The following MAGI2 variants were observed in gnomAD, a reference collection of about 807,000 sequenced individuals.
The protein encoded by MAGI2 is membrane-associated guanylate kinase, WW and PDZ domain-containing protein 2.
In MAGI2, 35 loss-of-function variants were observed where a neutral mutation model predicts 133.3. The observed-to-expected ratio is 0.26, with a 90% confidence interval of 0.20 to 0.35. MAGI2 has a LOEUF of 0.35. Ranked by LOEUF, MAGI2 falls within the 10% of genes least tolerant of loss-of-function variation. The pLI, the probability that MAGI2 is intolerant of heterozygous loss-of-function variation, is 1.00. For missense variants in MAGI2, 1,636 were observed against 1,863.4 expected, an observed-to-expected ratio of 0.88 and a Z score of 2.25; for synonymous variants, 729 against 710.6, an observed-to-expected ratio of 1.03 and a Z score of -0.41.
rs372618163 is a variant in MAGI2, at chr7:79,057,648, T to C, written c.302-50442A>G. 1.9e-4 allele frequency among the ~76,000 whole-genome samples: 29 copies of C among 152,312 alleles called. 1 individual carries two copies. The East Asian group carries it at 5.2e-3, about 27-fold the overall frequency. ...ACTTTTATTCATTATCTTATCGGTC[T>C]TGAGGTATTTCAATGGCAGGTGCAG... On this transcript the variant is annotated intron_variant, in intron 1 of 21. Coordinates refer to ENST00000354212, the MANE Select transcript of MAGI2 (RefSeq NM_012301.4).
intron 6 of MAGI2, among the ~76,000 whole-genome samples, chr7:78,488,074 C>T (rs568022667): frequency 5.3e-4 from 81 of 151,888 alleles, no homozygotes; most frequent in African/African-American, 1.9e-3. Flanking sequence ...AAAAACGGTC[C>T]GATAATATAA....
At chr7:79,263,287 C>T (rs561123820) in intron 1 of MAGI2, among the ~76,000 whole-genome samples, 1 of 152,154 alleles carries the variant, frequency 6.6e-6, no homozygotes, top group Non-Finnish European at 1.5e-5. Context: ...AATCTTCAAC[C>T]CTCACAAGAG....
At chr7:78,331,346 C>A (rs1381984734) in intron 9 of MAGI2, among the ~76,000 whole-genome samples, 1 of 152,078 alleles carries the variant, frequency 6.6e-6, no homozygotes, top group East Asian at 1.9e-4. Flanking sequence ...ACAGGTACCC[C>A]TGAATCTCAA....
intron 1 of MAGI2, among the ~76,000 whole-genome samples, chr7:79,248,864 A>ATTTTATTTAT (rs1393560537): frequency 1.4e-5 from 2 of 143,572 alleles, no homozygotes; most frequent in African/African-American, 5.3e-5. Context: ...ATTTTATTTT[A>ATTTTATTTAT]TTTATTTTAT....
chr7:78,066,476 A>G (rs62461173), intron 21 of MAGI2, among the ~76,000 whole-genome samples: 1 of 143,448 alleles, frequency 7.0e-6, no homozygotes, highest in African/African-American at 2.5e-5. Flanking sequence ...AAAAAAAAAA[A>G]TTCATAGTTG....
At chr7:79,444,064 A>G (rs1157201261) in intron 1 of MAGI2, among the ~76,000 whole-genome samples, 2 of 152,222 alleles carry the variant, frequency 1.3e-5, no homozygotes, top group Non-Finnish European at 2.9e-5. Flanking sequence ...AATAAAAACC[A>G]TATGATTTTC....
intron 16 of MAGI2, among the ~76,000 whole-genome samples, chr7:78,153,911 T>C (rs550777839): frequency 1.3e-5 from 2 of 152,322 alleles, no homozygotes; most frequent in South Asian, 4.1e-4. Flanking sequence ...AGCCTTGGGC[T>C]CATTGTCCAA....
intron 1 of MAGI2, among the ~76,000 whole-genome samples, chr7:79,066,285 G>GC (rs1554348074): frequency 1.3e-3 from 164 of 127,488 alleles, no homozygotes; most frequent in African/African-American, 4.4e-3. Flanking sequence ...TCAGTGTGGT[G>GC]TTTTTTTTTT....
At chr7:78,513,352 G>A (rs924119481) in intron 4 of MAGI2, among the ~76,000 whole-genome samples, 2 of 152,196 alleles carry the variant, frequency 1.3e-5, no homozygotes, top group Non-Finnish European at 1.5e-5. Flanking sequence ...ATAGAGTCAT[G>A]TAGAAGCAAT....
chr7:78,900,959 A>G (rs963948266), intron 2 of MAGI2, among the ~76,000 whole-genome samples: 1 of 152,170 alleles, frequency 6.6e-6, no homozygotes. Flanking sequence ...TAAAACTGCA[A>G]GACCAATTAG....
intron 4 of MAGI2, among the ~76,000 whole-genome samples, chr7:78,512,265 C>A (rs62468562): frequency 0.056 from 8,561 of 151,824 alleles, 280 homozygotes; most frequent in Middle Eastern, 0.16. Context: ...AGGGAGAAAA[C>A]GTAAGTCTAG....
In MAGI2 at chr7:79,110,574, T is replaced by C. The variant is rs138839741; in HGVS notation, c.302-103368A>G. Among the ~76,000 whole-genome samples, 403 of 152,338 alleles carry C rather than the reference T, an allele frequency of 2.6e-3. 2 individuals are homozygous for C. Among genetic ancestry groups the C allele is most frequent in the African/African-American group, 8.8e-3 (367 of 41,574 alleles). ...TTGGAAGGAAATAACTTGTTTTGAT[T>C]TTACAGCTCATAGGTGAAAGGAACT... On this transcript the variant is annotated intron_variant, in intron 1 of 21. Transcript: ENST00000354212.
At chr7:78,189,208 A>T (rs1180764137) in intron 12 of MAGI2, among the ~76,000 whole-genome samples, 4 of 152,224 alleles carry the variant, frequency 2.6e-5, no homozygotes, top group African/African-American at 9.6e-5. Flanking sequence ...TTCAATAATC[A>T]AAGAACAACA....
At chr7:78,883,324 A>C (rs575794777) in intron 2 of MAGI2, among the ~76,000 whole-genome samples, 2 of 152,096 alleles carry the variant, frequency 1.3e-5, no homozygotes, top group South Asian at 4.1e-4. Flanking sequence ...GTAACCAAGG[A>C]GGTGAAAGAT....
intron 2 of MAGI2, among the ~76,000 whole-genome samples, chr7:78,920,340 A>G: frequency 6.6e-6 from 1 of 152,166 alleles, no homozygotes; most frequent in Non-Finnish European, 1.5e-5. Context: ...ACACATATCA[A>G]TGTCTTAGAA....
At chr7:78,914,511 T>G (rs746412511) in intron 2 of MAGI2, among the ~76,000 whole-genome samples, 5 of 152,164 alleles carry the variant, frequency 3.3e-5, no homozygotes, top group Admixed American at 6.6e-5. Context: ...ATCTGTCTTT[T>G]GTGCCCTGGA....
chr7:78,152,382 C>T (rs768083338), intron 16 of MAGI2, among the ~76,000 whole-genome samples: 1 of 152,116 alleles, frequency 6.6e-6, no homozygotes, highest in African/African-American at 2.4e-5. Flanking sequence ...CTTGAATGGA[C>T]AAGAGATGTG....
At chr7:78,769,440 G>T (rs1210696809) in intron 2 of MAGI2, among the ~76,000 whole-genome samples, 3 of 152,042 alleles carry the variant, frequency 2.0e-5, no homozygotes, top group Non-Finnish European at 4.4e-5. Context: ...TTGCCAGAAA[G>T]ATATCTTCTG....
At chr7:78,902,746 C>G (rs532063200) in intron 2 of MAGI2, 1 of 152,240 alleles carries the variant, frequency 6.6e-6, no homozygotes, top group South Asian at 2.1e-4. Flanking sequence ...GCTTAATATC[C>G]TTTAGTTAAT....
Sources: gnomAD v4.1 joint callset for allele counts (sites outside exome capture counted in the v4.1 genomes callset) on GRCh38, gnomAD v4.1.1 for gene constraint, MANE v1.5 for transcripts, NCBI Gene and HGNC (gene_info 2026-07-23, HGNC 2026-07-21) for gene names.